Variants in SLC38A10 observed in about 807,000 individuals in gnomAD.
SLC38A10 encodes Sodium-coupled neutral amino acid transporter 10.
In SLC38A10, 53 loss-of-function variants were observed where a neutral mutation model predicts 81.0. That is an observed-to-expected ratio of 0.65 (90% CI 0.53 to 0.82). The LOEUF (loss-of-function observed/expected upper bound fraction) is 0.82, where lower values mean the gene tolerates loss of function less well. Ranked by LOEUF, SLC38A10 falls within the 40% of genes least tolerant of loss-of-function variation. The probability of loss-of-function intolerance (pLI) is 0.00; values close to 1 mark genes in which losing one functional copy is unlikely to be tolerated. For synonymous variants in SLC38A10, 665 were observed against 655.3 expected (o/e 1.01, Z -0.23); for missense variants, 1,471 against 1,545.0 (o/e 0.95, Z 0.80).
At chr17:81,294,776 T>C in intron 1 of SLC38A10, 47 bp downstream of exon 1, 1 of 1,499,782 alleles carries the variant, frequency 6.7e-7, no homozygotes, top group South Asian at 1.2e-5. Flanking sequence ...AGACGCCCCC[T>C]CTGCGGGGGA....
chr17:81,247,357 G>T (rs1465940950), intron 14 of SLC38A10: 5 of 301,756 alleles, frequency 1.7e-5, no homozygotes, highest in East Asian at 5.5e-5. Flanking sequence ...CACTGGCTGT[G>T]CCCCAGGCGC....
rs111438281 is a variant in SLC38A10, at chr17:81,283,617, CTTT to C, written c.264-118_264-116del. 4.4e-4 allele frequency: 226 copies of C among 516,526 alleles called. No homozygotes were observed. The highest frequency in any genetic ancestry group is 8.8e-4 in the Middle Eastern group (2 of 2,272). 32.0% of individuals were successfully genotyped at this position (516,526 alleles called of 1,614,324 possible). A position where few individuals can be genotyped will look rare whatever the true frequency, so the allele number is the denominator to read the frequency against. On this transcript the variant is annotated intron_variant, in intron 3 of 15. Transcript: ENST00000374759. The surrounding 1 kb of genome is among the most constrained non-coding windows in gnomAD (Gnocchi z 4.7). Reference sequence around the variant, plus strand: ...GAATGACAGATGTGATTTCTTTTTTCTTTTTTTTTTTTTTGAAACAGAGTCTCA... The same window carrying C: ...GAATGACAGATGTGATTTCTTTTTTCTTTTTTTTTTTGAAACAGAGTCTCA...
At chr17:81,290,051 CA>C (rs1233762943) in intron 1 of SLC38A10, among the ~76,000 whole-genome samples, 1 of 152,224 alleles carries the variant, frequency 6.6e-6, no homozygotes, top group East Asian at 1.9e-4. Flanking sequence ...TCCCAGTCCC[CA>C]CCTCAAGTCT....
chr17:81,247,950 CTTTTTTTTTTT>C (rs34228716), intron 14 of SLC38A10, among the ~76,000 whole-genome samples: 3 of 73,076 alleles, frequency 4.1e-5, no homozygotes, highest in Non-Finnish European at 7.1e-5. Flanking sequence ...CAAAAGCTGT[CTTTTTTTTTTT>C]TTTTTTTTTT....
rs962780109 is a variant in SLC38A10 at position 81,281,237 on chromosome 17, A to G, written c.502-504T>C. Among the ~76,000 whole-genome samples, 1 of 152,150 alleles carries G rather than the reference A, an allele frequency of 6.6e-6. No individual in the cohort carries two copies. The highest frequency in any genetic ancestry group is 1.5e-5 in the Non-Finnish European group (1 of 68,016). ...AGGAGCACTGGAGACCCTGGCTTCA[A>G]TGACCACCTGGCCTCGTCCTGGTGC... is the stretch of plus-strand genomic sequence containing the variant. On this transcript the variant is annotated intron_variant, in intron 5 of 15. Coordinates refer to ENST00000374759, the MANE Select transcript of SLC38A10 (RefSeq NM_001037984.3). The surrounding 1 kb of genome is among the most constrained non-coding windows in gnomAD (Gnocchi z 5.3).
intron 13 of SLC38A10, 42 bp from the exon 14 acceptor site, chr17:81,251,654 C>T (rs749651542): frequency 1.4e-6 from 2 of 1,453,792 alleles, no homozygotes; most frequent in Non-Finnish European, 1.8e-6. Context: ...GCAGGAAAGT[C>T]AAGGGAGGGT....
At chr17:81,284,411 T>C (rs1346190694) in intron 3 of SLC38A10, among the ~76,000 whole-genome samples, 1 of 152,188 alleles carries the variant, frequency 6.6e-6, no homozygotes, top group Admixed American at 6.5e-5. Flanking sequence ...AACAATCAAC[T>C]GCTTTCAAAA....
chr17:81,292,220 G>A (rs370204342), intron 1 of SLC38A10, among the ~76,000 whole-genome samples: 83 of 152,050 alleles, frequency 5.5e-4, no homozygotes, highest in East Asian at 5.2e-3. Flanking sequence ...CTCCACTCCC[G>A]GGTTCAAGCG....
intron 10 of SLC38A10, among the ~76,000 whole-genome samples, chr17:81,266,150 G>A (rs1461102610): frequency 6.6e-6 from 1 of 152,196 alleles, no homozygotes; most frequent in Non-Finnish European, 1.5e-5. Context: ...GGTGTGTGAC[G>A]CCACACACGG....
intron 3 of SLC38A10, 103 bp downstream of exon 3, chr17:81,284,747 G>C: frequency 1.1e-6 from 1 of 906,176 alleles, no homozygotes; most frequent in Non-Finnish European, 1.6e-6. Context: ...AGAAACCTAA[G>C]TTACAGGTGA....
At chr17:81,252,053 G>A (rs924900040) in intron 13 of SLC38A10, 142 bp downstream of exon 13, 53 of 1,235,906 alleles carry the variant, frequency 4.3e-5, no homozygotes, top group African/African-American at 7.6e-5. Context: ...CAGCTGCCGG[G>A]GCCCGCTCCA....
In SLC38A10 at chr17:81,294,519, C is replaced by A. The variant is rs558431565; in HGVS notation, c.99+304G>T. 2.0e-5 allele frequency among the ~76,000 whole-genome samples: 3 copies of A among 152,322 alleles called. No individual in the cohort carries two copies. The East Asian group carries it at 5.8e-4, about 29-fold the overall frequency. ...AAAATGTAAAAATACGGAGTCCCAC[C>A]GTTCCCTTCCGATTCTGGAGGATCA... On this transcript the variant is annotated intron_variant, in intron 1 of 15. Coordinates refer to ENST00000374759, the MANE Select transcript of SLC38A10 (RefSeq NM_001037984.3).
intron 1 of SLC38A10, among the ~76,000 whole-genome samples, chr17:81,290,455 A>G (rs1189192193): frequency 6.6e-6 from 1 of 152,342 alleles, no homozygotes; most frequent in East Asian, 1.9e-4. Context: ...GACACCCACC[A>G]TGACACGGAT....
intron 14 of SLC38A10, chr17:81,251,178 T>C (rs2062907094): frequency 2.0e-6 from 3 of 1,527,270 alleles, no homozygotes; most frequent in Admixed American, 4.3e-5. Flanking sequence ...AAAGACGAAA[T>C]GGTAATCACA....
chr17:81,280,430 G>A (rs1042052720), intron 6 of SLC38A10, among the ~76,000 whole-genome samples, 179 bp downstream of exon 6: 10 of 152,136 alleles, frequency 6.6e-5, no homozygotes, highest in Admixed American at 3.9e-4. Context: ...TTTACCTCCC[G>A]ATTAAAATAT....
rs940350225 is a variant in SLC38A10, at chr17:81,278,285, G to A, written c.627-1152C>T. On this transcript the variant is annotated intron_variant, in intron 6 of 15. Coordinates refer to ENST00000374759, the MANE Select transcript of SLC38A10 (RefSeq NM_001037984.3). ...CCAAATACCAGCACTTTGGGAGGCC[G>A]AGGCAGGAGGATCACTGGAGCCCGG... is the stretch of plus-strand genomic sequence containing the variant. Among the ~76,000 whole-genome samples, 5 of 152,322 alleles carry A rather than the reference G, an allele frequency of 3.3e-5. No homozygotes were observed. The East Asian group carries it at 9.6e-4, about 29-fold the overall frequency.
intron 11 of SLC38A10, among the ~76,000 whole-genome samples, chr17:81,257,223 G>A (rs1009760835): frequency 7.2e-5 from 11 of 152,076 alleles, no homozygotes; most frequent in African/African-American, 2.2e-4. Context: ...AGGCTCAAGC[G>A]ATCCTCCCAC....
chr17:81,246,301 T>C lies in SLC38A10; in HGVS notation c.2615A>G (p.Glu872Gly). The C allele has an allele frequency of 6.2e-7, 1 of 1,611,462 alleles. No homozygotes were observed. The highest frequency in any genetic ancestry group is 8.5e-7 in the Non-Finnish European group (1 of 1,179,888). The change falls in exon 16 of 16, where the codon GAG (glutamate) becomes GGG (glycine). Residue 872 changes from glutamate to glycine, a missense_variant. Glu to Gly is a moderately conservative substitution (Grantham distance 98). Around this residue, in one of 2 missense-constraint regions of SLC38A10, gnomAD observed 751 missense variants for 717.4 expected, o/e 1.05. Coordinates refer to ENST00000374759, the MANE Select transcript of SLC38A10 (RefSeq NM_001037984.3). The part of the protein sequence containing the change: ...DPAREAGGPE[E>G]RLAEEFPGQS... ...CCCAGGGAATTCCTCTGCGAGGCGC[T>C]CCTCTGGGCCCCCGGCTTCCCTGGC...
intron 14 of SLC38A10, 70 bp downstream of exon 14, chr17:81,251,423 C>T (rs1370252028): frequency 3.7e-6 from 6 of 1,609,744 alleles, no homozygotes; most frequent in East Asian, 2.2e-5. Context: ...CTGGGCATCA[C>T]CCCAGGGCTG....
Sources: gnomAD v4.1 joint callset for allele counts (sites outside exome capture counted in the v4.1 genomes callset) on GRCh38, gnomAD v4.1.1 for gene constraint, gnomAD v4.1.1 regional missense constraint, Gnocchi (gnomAD v3.1) non-coding constraint, MANE v1.5 for transcripts, NCBI Gene and HGNC (gene_info 2026-07-23, HGNC 2026-07-21) for gene names.